Variants in NIPA1 observed in about 807,000 individuals in gnomAD.
The protein encoded by NIPA1 is magnesium transporter NIPA1.
In NIPA1, 13 loss-of-function variants were observed where a neutral mutation model predicts 23.9. The ratio of observed to expected loss-of-function variants is 0.54; its 90% CI spans 0.35 to 0.87. The LOEUF is 0.87. NIPA1 is among the 40% of genes least tolerant of loss of function. The probability of loss-of-function intolerance (pLI) is 0.01; values close to 1 mark genes in which losing one functional copy is unlikely to be tolerated. For missense variants in NIPA1, 362 were observed against 429.7 expected, an observed-to-expected ratio of 0.84 and a Z score of 1.39; for synonymous variants, 234 against 202.9, an observed-to-expected ratio of 1.15 and a Z score of -1.30.
At chr15:22,806,740 T>C (rs1424303367) in intron 1 of NIPA1, among the ~76,000 whole-genome samples, 4 of 152,104 alleles carry the variant, frequency 2.6e-5, no homozygotes, top group East Asian at 1.9e-4. Context: ...CTCACAGATA[T>C]CTGTATGACG....
chr15:22,800,007 T>G (rs1895041419), intron 1 of NIPA1, among the ~76,000 whole-genome samples: 1 of 145,494 alleles, frequency 6.9e-6, no homozygotes, highest in Non-Finnish European at 1.5e-5. Context: ...CACTGGGGAC[T>G]GCTAGAGGGG....
At chr15:22,787,823 A>G (rs1894742006) in intron 1 of NIPA1, among the ~76,000 whole-genome samples, 1 of 152,142 alleles carries the variant, frequency 6.6e-6, no homozygotes, top group Non-Finnish European at 1.5e-5. Flanking sequence ...TGCAGGTGAA[A>G]CTTTCTCTGA....
rs867795357 is a variant in NIPA1, at chr15:22,822,919, T to G, written c.479-809T>G. 2.0e-3 allele frequency among the ~76,000 whole-genome samples: 253 copies of G among 129,178 alleles called. 2 individuals are homozygous for G. Among genetic ancestry groups the G allele is most frequent in the African/African-American group, 6.9e-3 (230 of 33,234 alleles). 84.7% of individuals were successfully genotyped at this position (129,178 alleles called of 152,430 possible). ...AGGAGCTGTAAATGGTTTTTTTTTT[T>G]TTTTTTTTTTTTTTTTTGAGACGGA... On this transcript the variant is annotated intron_variant, in intron 4 of 4. Transcript: ENST00000337435.
rs533425036 is a variant in NIPA1 at position 22,796,545 on chromosome 15, C to T, written c.178+9711C>T. 1.4e-4 allele frequency among the ~76,000 whole-genome samples: 22 copies of T among 151,880 alleles called. 1 individual carries two copies. In the East Asian group the frequency reaches 3.9e-3, roughly 27 times the overall value. On this transcript the variant is annotated intron_variant, in intron 1 of 4. Transcript: ENST00000337435. Reference sequence around the variant, plus strand: ...TCTCCCACTCCTGGCCTCAAGTGATCCTCCCATCTTAGCCTTCCAAATTAC... The same window carrying T: ...TCTCCCACTCCTGGCCTCAAGTGATTCTCCCATCTTAGCCTTCCAAATTAC...
At position 22,792,810 on chromosome 15, in the gene NIPA1, C is replaced by A. The variant is rs116635995; in HGVS notation, c.178+5976C>A. Reference sequence around the variant, plus strand: ...CTGTACTAAAAATACAGAAATTGTCCGGGTGTGGTGGTGGGCACCTGTAAT... The same window carrying A: ...CTGTACTAAAAATACAGAAATTGTCAGGGTGTGGTGGTGGGCACCTGTAAT... On this transcript the variant is annotated intron_variant, in intron 1 of 4. Transcript: ENST00000337435. 2.7e-3 allele frequency among the ~76,000 whole-genome samples: 404 copies of A among 151,746 alleles called. 1 individual carries two copies. The highest frequency in any genetic ancestry group is 9.1e-3 in the African/African-American group (375 of 41,420).
upstream of NIPA1, among the ~76,000 whole-genome samples, chr15:22,786,437 G>A (rs1291068202): frequency 6.7e-6 from 1 of 149,878 alleles, no homozygotes; most frequent in South Asian, 2.1e-4. Context: ...GCCCCACCCA[G>A]CGCCTCACCG....
chr15:22,822,189 G>T (rs1022134235), intron 4 of NIPA1, among the ~76,000 whole-genome samples: 2 of 152,200 alleles, frequency 1.3e-5, no homozygotes, highest in African/African-American at 2.4e-5. Context: ...TTACATGGAA[G>T]TGACATGTCT....
At chr15:22,787,624 C>T (rs906690241) in intron 1 of NIPA1, among the ~76,000 whole-genome samples, 3 of 152,202 alleles carry the variant, frequency 2.0e-5, no homozygotes, top group Admixed American at 6.5e-5. Context: ...CCGGACGGGA[C>T]CGGTTTGCCA....
intron 3 of NIPA1, among the ~76,000 whole-genome samples, chr15:22,815,091 AT>A (rs1013359478): frequency 2.0e-5 from 3 of 151,330 alleles, no homozygotes; most frequent in Non-Finnish European, 2.9e-5. Flanking sequence ...ATATGATGTG[AT>A]TTTTTTTTCC....
At chr15:22,808,475 T>C (rs1208494812) in intron 1 of NIPA1, among the ~76,000 whole-genome samples, 1 of 152,118 alleles carries the variant, frequency 6.6e-6, no homozygotes, top group Non-Finnish European at 1.5e-5. Flanking sequence ...AGCAGGCAGG[T>C]GGCACAACTG....
In NIPA1 at chr15:22,828,170, G is replaced by A. The variant is rs1895689254; in HGVS notation, c.*3931G>A. On this transcript the variant is annotated 3_prime_UTR_variant, in exon 5 of 5. Coordinates refer to ENST00000337435, the MANE Select transcript of NIPA1 (RefSeq NM_144599.5). ...AGGCGGGATTGGATGGAGTCTTGGT[G>A]TTTTGCCTTCTCAGGGACCAAAAAT... is the stretch of plus-strand genomic sequence containing the variant. The A allele has an allele frequency of 6.6e-6, 1 of 152,568 alleles. No homozygotes were observed. The highest frequency in any genetic ancestry group is 2.1e-4 in the South Asian group (1 of 4,826). 9.5% of individuals were successfully genotyped at this position (152,568 alleles called of 1,614,324 possible).
At chr15:22,813,796 C>T (rs1240005336) in intron 3 of NIPA1, 4 of 422,928 alleles carry the variant, frequency 9.5e-6, no homozygotes, top group African/African-American at 6.1e-5. Context: ...TGAACACATA[C>T]ACTGCTATCA....
intron 1 of NIPA1, among the ~76,000 whole-genome samples, chr15:22,791,576 C>T (rs922766120): frequency 7.0e-6 from 1 of 143,094 alleles, no homozygotes; most frequent in Admixed American, 7.7e-5. Context: ...CTCTGCTTCC[C>T]AGGTTCAAGC....
chr15:22,792,262 G>A (rs995658870), intron 1 of NIPA1, among the ~76,000 whole-genome samples: 3 of 152,322 alleles, frequency 2.0e-5, no homozygotes, highest in South Asian at 2.1e-4. Context: ...GTCAGGCTGC[G>A]CAGGAGAGCT....
upstream of NIPA1, chr15:22,786,636 C>G (rs1413018386): frequency 4.1e-6 from 4 of 975,630 alleles, no homozygotes; most frequent in African/African-American, 7.1e-5. Flanking sequence ...GGCGCAGGCT[C>G]GGAGGGCGGG....
chr15:22,810,808 G>A lies in NIPA1; in HGVS notation c.226+12G>A. ...TGGCACAATCGCAAGTAAGTAGCCT[G>A]TGTGGCGAAGTCTGGTCTTTTCCTT... On this transcript the variant is annotated intron_variant, in intron 2 of 4. Coordinates refer to ENST00000337435, the MANE Select transcript of NIPA1 (RefSeq NM_144599.5). 1 of 1,599,130 alleles carries A rather than the reference G, an allele frequency of 6.3e-7. No homozygotes were observed. The highest frequency in any genetic ancestry group is 8.6e-7 in the Non-Finnish European group (1 of 1,166,260).
At position 22,824,582 on chromosome 15, in the gene NIPA1, T is replaced by A. The variant is rs1895612447; in HGVS notation, c.*343T>A. ...AAAAGATGGGCTCTTTCTGGTTAGTTGTTACATGATAGCAGAGATATTTTT... is the reference window on the plus strand; with the variant it reads ...AAAAGATGGGCTCTTTCTGGTTAGTAGTTACATGATAGCAGAGATATTTTT... On this transcript the variant is annotated 3_prime_UTR_variant, in exon 5 of 5. Coordinates refer to ENST00000337435, the MANE Select transcript of NIPA1 (RefSeq NM_144599.5). This position sits in a 1 kb window ranked among gnomAD's most constrained non-coding sequence, Gnocchi z 4.1. 3.1e-6 allele frequency: 1 copy of A among 323,304 alleles called. No individual in the cohort carries two copies. The highest frequency in any genetic ancestry group is 2.1e-5 in the African/African-American group (1 of 46,910). The allele number at this position is 323,304 out of a possible 1,614,324, so 20.0% of individuals were successfully genotyped here. A position where few individuals can be genotyped will look rare whatever the true frequency, so the allele number is the denominator to read the frequency against.
intron 1 of NIPA1, among the ~76,000 whole-genome samples, chr15:22,809,619 C>T (rs1215610087): frequency 6.6e-6 from 1 of 151,660 alleles, no homozygotes; most frequent in Admixed American, 6.6e-5. Flanking sequence ...GTGGCATGCT[C>T]CTGTAGTCTC....
In NIPA1 at chr15:22,826,624, A is replaced by T. The variant is rs925606020; in HGVS notation, c.*2385A>T. 24 of 152,186 alleles carry T rather than the reference A, an allele frequency of 1.6e-4. No individual in the cohort carries two copies. Among genetic ancestry groups the T allele is most frequent in the African/African-American group, 4.8e-4 (20 of 41,428 alleles). The allele number at this position is 152,186 out of a possible 1,614,324, so 9.4% of individuals were successfully genotyped here. A position where few individuals can be genotyped will look rare whatever the true frequency, so the allele number is the denominator to read the frequency against. On this transcript the variant is annotated 3_prime_UTR_variant, in exon 5 of 5. Transcript: ENST00000337435. ...CTCTTGGTGTACCTTAGTATATTTT[A>T]ATCCACAATTATACCATTGATACTG...
Sources: gnomAD v4.1 joint callset for allele counts (sites outside exome capture counted in the v4.1 genomes callset) on GRCh38, gnomAD v4.1.1 for gene constraint, Gnocchi (gnomAD v3.1) non-coding constraint, MANE v1.5 for transcripts, NCBI Gene and HGNC (gene_info 2026-07-23, HGNC 2026-07-21) for gene names.